STAT1: variants seen among roughly 807,000 people sequenced by gnomAD.
STAT1 encodes the protein signal transducer and activator of transcription 1.
Under a neutral mutation model 111.7 loss-of-function variants are expected in STAT1, and 24 were observed. The observed-to-expected ratio is 0.21, with a 90% CI of 0.16 to 0.30. STAT1 has a LOEUF of 0.30. Among genes scored for constraint, STAT1 ranks in the 10% least tolerant of loss-of-function variants. The pLI, the probability that STAT1 is intolerant of heterozygous loss-of-function variation, is 1.00. For missense variants in STAT1, 351 were observed against 911.9 expected (o/e 0.38, Z 7.92); for synonymous variants, 332 against 326.5 (o/e 1.02, Z -0.18).
At chr2:191,002,791 T>G (rs796456485) in intron 5 of STAT1, among the ~76,000 whole-genome samples, 54 of 152,240 alleles carry the variant, frequency 3.5e-4, no homozygotes, top group African/African-American at 1.2e-3. Context: ...ATATATATAT[T>G]TTTTTGTGTT....
rs1024260449 is a variant in STAT1 at position 190,980,345 on chromosome 2, C to T, written c.1632+275G>A. On this transcript the variant is annotated intron_variant, in intron 19 of 24. Coordinates refer to ENST00000361099, the MANE Select transcript of STAT1 (RefSeq NM_007315.4). The surrounding 1 kb of genome is among the most constrained non-coding windows in gnomAD (Gnocchi z 6.1). ...ACATTTCACACAGAAATGGCTAAAACACTGCTGGGCAGGGGTCCAGCGTGA... is the reference window on the plus strand; with the variant it reads ...ACATTTCACACAGAAATGGCTAAAATACTGCTGGGCAGGGGTCCAGCGTGA... Among the ~76,000 whole-genome samples, 1 of 152,260 alleles carries T rather than the reference C, an allele frequency of 6.6e-6. No homozygotes were observed. The highest frequency in any genetic ancestry group is 6.5e-5 in the Admixed American group (1 of 15,288).
rs1693995085 is a variant in STAT1 at position 190,998,206 on chromosome 2, T to C, written c.633+11A>G. On this transcript the variant is annotated intron_variant, in intron 8 of 24. Coordinates refer to ENST00000361099, the MANE Select transcript of STAT1 (RefSeq NM_007315.4). This position sits in a 1 kb window ranked among gnomAD's most constrained non-coding sequence, Gnocchi z 4.1. ...AAAAGTGGCATGCTATTCTGGAAAG[T>C]AAATAACTACCTTTCTCTTATTGTC... 6.2e-7 allele frequency: 1 copy of C among 1,609,238 alleles called. No individual in the cohort carries two copies. The highest frequency in any genetic ancestry group is 8.5e-7 in the Non-Finnish European group (1 of 1,175,838).
rs546874154 is a variant in STAT1 at position 191,010,094 on chromosome 2, A to G, written c.-1-90T>C. 1,215 of 1,450,050 alleles carry G rather than the reference A, an allele frequency of 8.4e-4. 18 individuals are homozygous for G. In the South Asian group the frequency reaches 0.013, roughly 15 times the overall value. 89.8% of individuals were successfully genotyped at this position (1,450,050 alleles called of 1,614,324 possible). On this transcript the variant is annotated intron_variant, in intron 2 of 24. Transcript: ENST00000361099. The stretch of plus-strand genomic sequence containing the variant: ...TCCTAGCATCAGGTTGTACTCTTAA[A>G]TATCTTGCTTAATCCAAAACATAGT...
intron 3 of STAT1, among the ~76,000 whole-genome samples, chr2:191,009,453 AC>A (rs1208954569): frequency 6.6e-6 from 1 of 151,758 alleles, no homozygotes; most frequent in African/African-American, 2.4e-5. Context: ...AAAGTAGAAC[AC>A]CTATCAGTTA....
Position 190,980,763 on chromosome 2 carries a change from G to A in STAT1, c.1583-94C>T. Reference sequence around the variant, plus strand: ...CTCTTGTATTTGCTCTCAAGGAAAAGAGCCAAACACCCAACAAAGATTGTA... The same window carrying A: ...CTCTTGTATTTGCTCTCAAGGAAAAAAGCCAAACACCCAACAAAGATTGTA... On this transcript the variant is annotated intron_variant, in intron 18 of 24. Transcript: ENST00000361099. This position sits in a 1 kb window ranked among gnomAD's most constrained non-coding sequence, Gnocchi z 6.1. The A allele has an allele frequency of 8.1e-7, 1 of 1,236,672 alleles. No homozygotes were observed. Among genetic ancestry groups the A allele is most frequent in the Non-Finnish European group, 1.2e-6 (1 of 845,592 alleles). 76.6% of individuals were successfully genotyped at this position (1,236,672 alleles called of 1,614,324 possible). A position where few individuals can be genotyped will look rare whatever the true frequency, so the allele number is the denominator to read the frequency against.
At chr2:191,013,063 A>C (rs1305099340) in intron 2 of STAT1, among the ~76,000 whole-genome samples, 1 of 152,176 alleles carries the variant, frequency 6.6e-6, no homozygotes, top group Non-Finnish European at 1.5e-5. Context: ...TTTGCTTTTT[A>C]ACATCTTATG....
At position 191,006,926 on chromosome 2, in the gene STAT1, A is replaced by G. The variant is rs1037407790; in HGVS notation, c.372+637T>C. 6.6e-6 allele frequency among the ~76,000 whole-genome samples: 1 copy of G among 151,630 alleles called. No homozygotes were observed. Among genetic ancestry groups the G allele is most frequent in the Non-Finnish European group, 1.5e-5 (1 of 67,890 alleles). On this transcript the variant is annotated intron_variant, in intron 5 of 24. Coordinates refer to ENST00000361099, the MANE Select transcript of STAT1 (RefSeq NM_007315.4). This position sits in a 1 kb window ranked among gnomAD's most constrained non-coding sequence, Gnocchi z 4.6. ...CATCAGCCTCCTTTTCTCTCCACAA[A>G]CCTATTGAGTCCTACAAAACTCCTG...
Position 190,983,781 on chromosome 2 carries a change from A to C in STAT1, c.1348-41T>G. On this transcript the variant is annotated intron_variant, in intron 16 of 24. Transcript: ENST00000361099. The surrounding 1 kb of genome is among the most constrained non-coding windows in gnomAD (Gnocchi z 5.7). ...GACCTTGAAATCATCTGAATCACAG[A>C]AATGTCACCTTCAGATAACTGCTTA... 1 of 1,547,242 alleles carries C rather than the reference A, an allele frequency of 6.5e-7. No individual in the cohort carries two copies. Among genetic ancestry groups the C allele is most frequent in the Non-Finnish European group, 8.9e-7 (1 of 1,119,192 alleles).
rs1468580337 is a variant in STAT1 at position 190,989,711 on chromosome 2, T to G, written c.1038-37A>C. 2.8e-6 allele frequency: 4 copies of G among 1,451,980 alleles called. No homozygotes were observed. The highest frequency in any genetic ancestry group is 3.8e-6 in the Non-Finnish European group (4 of 1,044,396). The allele number at this position is 1,451,980 out of a possible 1,614,324, so 89.9% of individuals were successfully genotyped here. ...AATAAAAGCCATTACTTAAAAAAAATTATCTGTTACAATTTATTTATTATG... is the reference window on the plus strand; with the variant it reads ...AATAAAAGCCATTACTTAAAAAAAAGTATCTGTTACAATTTATTTATTATG... On this transcript the variant is annotated intron_variant, in intron 11 of 24. Coordinates refer to ENST00000361099, the MANE Select transcript of STAT1 (RefSeq NM_007315.4). This position sits in a 1 kb window ranked among gnomAD's most constrained non-coding sequence, Gnocchi z 5.0.
At position 190,984,291 on chromosome 2, in the gene STAT1, G is replaced by A. The variant is rs774065739; in HGVS notation, c.1347+19C>T. The A allele has an allele frequency of 5.0e-6, 8 of 1,593,906 alleles. No homozygotes were observed. Among genetic ancestry groups the A allele is most frequent in the South Asian group, 3.3e-5 (3 of 90,632 alleles). ...TAAAAATAATGAAGTTTTCCAACTC[G>A]GGACCATAAAAGTCTTACCTCGAGG... is the stretch of plus-strand genomic sequence containing the variant. On this transcript the variant is annotated intron_variant, in intron 16 of 24. Transcript: ENST00000361099. The surrounding 1 kb of genome is among the most constrained non-coding windows in gnomAD (Gnocchi z 5.2).
Position 191,003,925 on chromosome 2 carries a change from G to A in STAT1, c.373-2762C>T, listed in dbSNP as rs1008265147. On this transcript the variant is annotated intron_variant, in intron 5 of 24. Coordinates refer to ENST00000361099, the MANE Select transcript of STAT1 (RefSeq NM_007315.4). This position sits in a 1 kb window ranked among gnomAD's most constrained non-coding sequence, Gnocchi z 4.0. ...GCCTCCTCCCAAATGACCAAGGCTC[G>A]GTTTAGAGAACAGGGATATAAACAA... Among the ~76,000 whole-genome samples the A allele has an allele frequency of 5.3e-5, 8 of 152,156 alleles. No homozygotes were observed. The highest frequency in any genetic ancestry group is 7.4e-5 in the Non-Finnish European group (5 of 68,020).
rs1691400179 is a variant in STAT1 at position 190,970,860 on chromosome 2, G to A, written c.2239-143C>T. On this transcript the variant is annotated intron_variant, in intron 24 of 24. Coordinates refer to ENST00000361099, the MANE Select transcript of STAT1 (RefSeq NM_007315.4). The surrounding 1 kb of genome is among the most constrained non-coding windows in gnomAD (Gnocchi z 5.4). Reference sequence around the variant, plus strand: ...CAAATAAATACCGTGGAATAAGAGGGCCTTCAGCATGTACTATGTATTATC... The same window carrying A: ...CAAATAAATACCGTGGAATAAGAGGACCTTCAGCATGTACTATGTATTATC... 2.6e-6 allele frequency: 2 copies of A among 777,974 alleles called. No homozygotes were observed. Among genetic ancestry groups the A allele is most frequent in the Non-Finnish European group, 4.4e-6 (2 of 455,240 alleles). The allele number at this position is 777,974 out of a possible 1,614,324, so 48.2% of individuals were successfully genotyped here.
chr2:190,971,599 A>G lies in STAT1; in HGVS notation c.2239-882T>C, dbSNP rs142877068. Among the ~76,000 whole-genome samples, 4 of 152,368 alleles carry G rather than the reference A, an allele frequency of 2.6e-5. No homozygotes were observed. The highest frequency in any genetic ancestry group is 3.9e-4 in the East Asian group (2 of 5,192). The stretch of plus-strand genomic sequence containing the variant: ...ACTTTTTTTTAATCCCAAGTGCTCA[A>G]TAGTGTGTGGTACATAGTGGGCTCT... On this transcript the variant is annotated intron_variant, in intron 24 of 24. Transcript: ENST00000361099. This position sits in a 1 kb window ranked among gnomAD's most constrained non-coding sequence, Gnocchi z 4.1.
In STAT1 at chr2:190,998,672, CAAAAAAAACAA is replaced by C. The variant is rs371099581; in HGVS notation, c.542-375_542-365del. 0.01 allele frequency among the ~76,000 whole-genome samples: 1,470 copies of C among 140,828 alleles called. 8 individuals are homozygous for C. The highest frequency in any genetic ancestry group is 0.017 in the Non-Finnish European group (1,078 of 64,344). The allele number at this position is 140,828 out of a possible 152,430, so 92.4% of individuals were successfully genotyped here. ...GCGAGACTCCGTCTCCAAAAAAAAA[CAAAAAAAACAA>C]AAAAAAAACAAAAAAAACTTGTTTT... On this transcript the variant is annotated intron_variant, in intron 7 of 24. Transcript: ENST00000361099. The surrounding 1 kb of genome is among the most constrained non-coding windows in gnomAD (Gnocchi z 4.1).
rs1691761460 is a variant in STAT1 at position 190,974,647 on chromosome 2, G to A, written c.2238+183C>T. Among the ~76,000 whole-genome samples, 1 of 152,242 alleles carries A rather than the reference G, an allele frequency of 6.6e-6. No homozygotes were observed. The highest frequency in any genetic ancestry group is 6.5e-5 in the Admixed American group (1 of 15,288). ...GAATGCGAGGAATAAAAATCCCACT[G>A]ATGATGTAGGTGGTTTAAATCCAGC... On this transcript the variant is annotated intron_variant, in intron 24 of 24. Transcript: ENST00000361099. The surrounding 1 kb of genome is among the most constrained non-coding windows in gnomAD (Gnocchi z 4.8).
Position 190,975,290 on chromosome 2 carries a change from G to A in STAT1, c.2136-358C>T, listed in dbSNP as rs1691820943. 1 of 476,564 alleles carries A rather than the reference G, an allele frequency of 2.1e-6. No individual in the cohort carries two copies. Among genetic ancestry groups the A allele is most frequent in the Non-Finnish European group, 4.3e-6 (1 of 234,384 alleles). The allele number at this position is 476,564 out of a possible 1,614,324, so 29.5% of individuals were successfully genotyped here. A position where few individuals can be genotyped will look rare whatever the true frequency, so the allele number is the denominator to read the frequency against. On this transcript the variant is annotated intron_variant, in intron 23 of 24. Transcript: ENST00000361099. The surrounding 1 kb of genome is among the most constrained non-coding windows in gnomAD (Gnocchi z 5.9). ...ACAGAAAAGCACCAGAGAAATGTCT[G>A]GGGAGTCCCTCATCCCTACCTTGAG...
Position 190,971,849 on chromosome 2 carries a change from A to G in STAT1, c.2239-1132T>C, listed in dbSNP as rs2124981379. Among the ~76,000 whole-genome samples, 1 of 152,088 alleles carries G rather than the reference A, an allele frequency of 6.6e-6. No individual in the cohort carries two copies. Among genetic ancestry groups the G allele is most frequent in the Non-Finnish European group, 1.5e-5 (1 of 67,988 alleles). ...TGCCTCAGCCCCCCTAGTAGCTGGG[A>G]TTACAGGCACACACCACCATGGCTG... On this transcript the variant is annotated intron_variant, in intron 24 of 24. Transcript: ENST00000361099. The surrounding 1 kb of genome is among the most constrained non-coding windows in gnomAD (Gnocchi z 4.1).
chr2:190,997,792 G>C lies in STAT1; in HGVS notation c.785+64C>G. 1.2e-5 allele frequency: 19 copies of C among 1,608,434 alleles called. No individual in the cohort carries two copies. Among genetic ancestry groups the C allele is most frequent in the Non-Finnish European group, 1.6e-5 (19 of 1,176,864 alleles). On this transcript the variant is annotated intron_variant, in intron 9 of 24. Coordinates refer to ENST00000361099, the MANE Select transcript of STAT1 (RefSeq NM_007315.4). This position sits in a 1 kb window ranked among gnomAD's most constrained non-coding sequence, Gnocchi z 7.3. The stretch of plus-strand genomic sequence containing the variant: ...TCCATTCAACTAACACAGCTCAAAG[G>C]TACATTTATGTGTTTATGTGGTTAG...
chr2:190,976,697 C>T lies in STAT1; in HGVS notation c.2059+143G>A, dbSNP rs1321523621. 1.7e-5 allele frequency: 12 copies of T among 717,854 alleles called. No individual in the cohort carries two copies. Among genetic ancestry groups the T allele is most frequent in the Admixed American group, 4.2e-5 (2 of 47,356 alleles). 44.5% of individuals were successfully genotyped at this position (717,854 alleles called of 1,614,324 possible). ...AGGCCAAATAATGCATTATGTTTCA[C>T]CTGCACTGAGTTTATGCCATCTTTT... On this transcript the variant is annotated intron_variant, in intron 22 of 24. Coordinates refer to ENST00000361099, the MANE Select transcript of STAT1 (RefSeq NM_007315.4). This position sits in a 1 kb window ranked among gnomAD's most constrained non-coding sequence, Gnocchi z 6.0.
Sources: allele counts gnomAD v4.1 joint callset (sites outside exome capture counted in the v4.1 genomes callset), GRCh38; gene constraint gnomAD v4.1.1; non-coding constraint Gnocchi (gnomAD v3.1); transcripts MANE v1.5; gene names NCBI Gene and HGNC (gene_info 2026-07-23, HGNC 2026-07-21).